CYYR1: variants seen among roughly 807,000 people sequenced by gnomAD.
CYYR1 encodes the protein cysteine and tyrosine-rich protein 1.
A neutral mutation model predicts 15.2 loss-of-function variants in CYYR1; 14 were observed. The ratio of observed to expected loss-of-function variants is 0.92; its 90% CI spans 0.61 to 1.44. The LOEUF is 1.44. CYYR1 is among the 40% of genes most tolerant of loss of function. CYYR1 has a pLI of 0.00. For synonymous variants in CYYR1, 80 were observed against 77.4 expected, an observed-to-expected ratio of 1.03 and a Z score of -0.18; for missense variants, 228 against 209.5, an observed-to-expected ratio of 1.09 and a Z score of -0.54.
intron 2 of CYYR1, among the ~76,000 whole-genome samples, chr21:26,532,424 C>A (rs1414935682): frequency 6.6e-6 from 1 of 152,122 alleles, no homozygotes; most frequent in East Asian, 1.9e-4. Flanking sequence ...GCAGATGACG[C>A]TGGAGGAAAC....
intron 2 of CYYR1, among the ~76,000 whole-genome samples, chr21:26,512,355 T>C (rs1054964399): frequency 1.6e-4 from 25 of 152,004 alleles, no homozygotes; most frequent in Admixed American, 1.6e-3. Context: ...CATGCCACCA[T>C]GCCTGGCTAA....
chr21:26,497,810 A>G (rs1324628448), intron 2 of CYYR1, among the ~76,000 whole-genome samples: 11 of 152,188 alleles, frequency 7.2e-5, no homozygotes, highest in Admixed American at 6.5e-4. Context: ...ATGTTGCAAA[A>G]TACCTACAGA....
Position 26,573,016 on chromosome 21 carries a change from A to G in CYYR1, c.-76T>C. 1 of 1,609,366 alleles carries G rather than the reference A, an allele frequency of 6.2e-7. No homozygotes were observed. The highest frequency in any genetic ancestry group is 1.7e-5 in the Admixed American group (1 of 59,524). On this transcript the variant is annotated 5_prime_UTR_variant, in exon 1 of 4. The change abolishes the stop of an existing upstream ORF in the 5' untranslated region. Coordinates refer to ENST00000652641, the MANE Select transcript of CYYR1 (RefSeq NM_001320768.2). ...GGAATGGGGAGGATGGAGGGCGATC[A>G]GATGGAGAGAGCAGCGCTCCTGAGA...
chr21:26,522,665 A>G (rs755650573), intron 2 of CYYR1, among the ~76,000 whole-genome samples: 55 of 152,200 alleles, frequency 3.6e-4, no homozygotes, highest in Non-Finnish European at 6.9e-4. Context: ...TGATGATGCC[A>G]CAAAGATAAA....
intron 2 of CYYR1, among the ~76,000 whole-genome samples, chr21:26,481,250 C>T (rs2065176452): frequency 6.6e-6 from 1 of 151,994 alleles, no homozygotes; most frequent in African/African-American, 2.4e-5. Context: ...GCAATGCTCC[C>T]TAAGGAAATG....
At chr21:26,482,186 G>T (rs1402436212) in intron 2 of CYYR1, 2 of 616,652 alleles carry the variant, frequency 3.2e-6, no homozygotes, top group Non-Finnish European at 4.1e-6. Context: ...TATTTACATT[G>T]CCATAACTTT....
chr21:26,524,924 G>T (rs1044014757), intron 2 of CYYR1, among the ~76,000 whole-genome samples: 3 of 152,138 alleles, frequency 2.0e-5, no homozygotes, highest in African/African-American at 7.2e-5. Flanking sequence ...ATGCTGAAAG[G>T]AATCCATCTG....
intron 1 of CYYR1, 145 bp downstream of exon 1, chr21:26,572,723 C>G: frequency 1.0e-6 from 1 of 957,198 alleles, no homozygotes; most frequent in Non-Finnish European, 1.5e-6. Flanking sequence ...GGGTTTCTGC[C>G]GTCGCCTCGC....
intron 2 of CYYR1, among the ~76,000 whole-genome samples, chr21:26,498,438 G>A (rs556350423): frequency 9.2e-5 from 14 of 152,300 alleles, no homozygotes; most frequent in African/African-American, 3.4e-4. Flanking sequence ...CCAGTAGGAA[G>A]GCAAAAGAGC....
rs181076488 is a variant in CYYR1, at chr21:26,490,821, T to G, written c.177-10392A>C. Among the ~76,000 whole-genome samples, 12 of 152,270 alleles carry G rather than the reference T, an allele frequency of 7.9e-5. No individual in the cohort carries two copies. In the East Asian group the frequency reaches 2.3e-3, roughly 29 times the overall value. On this transcript the variant is annotated intron_variant, in intron 2 of 3. Coordinates refer to ENST00000652641, the MANE Select transcript of CYYR1 (RefSeq NM_001320768.2). ...GGCCTGCCTTGCTCTCATTTTCTCA[T>G]CCACTCAACAAATGCTATGGTGTAT...
At chr21:26,536,224 C>A (rs537395625) in intron 2 of CYYR1, among the ~76,000 whole-genome samples, 8 of 152,242 alleles carry the variant, frequency 5.3e-5, no homozygotes, top group Non-Finnish European at 1.2e-4. Context: ...CAGGCCCCTT[C>A]CCTGACACAT....
intron 2 of CYYR1, chr21:26,550,521 G>A (rs1262078037): frequency 6.6e-6 from 1 of 152,218 alleles, no homozygotes; most frequent in African/African-American, 2.4e-5. Context: ...GAGCCAAGTT[G>A]TGCAAGCAAA....
In CYYR1 at chr21:26,468,121, G is replaced by A. The variant is rs1285957438; in HGVS notation, c.*380C>T. The stretch of plus-strand genomic sequence containing the variant: ...CTATATAGAATAAAGTTGCTTCCTT[G>A]TGTGGGCCAAATCATTCTCCCATCC... On this transcript the variant is annotated 3_prime_UTR_variant, in exon 4 of 4. Coordinates refer to ENST00000652641, the MANE Select transcript of CYYR1 (RefSeq NM_001320768.2). The A allele has an allele frequency of 1.4e-5, 4 of 288,728 alleles. No homozygotes were observed. Among genetic ancestry groups the A allele is most frequent in the Non-Finnish European group, 2.7e-5 (4 of 148,554 alleles). The allele number at this position is 288,728 out of a possible 1,614,324, so 17.9% of individuals were successfully genotyped here.
chr21:26,481,912 G>A (rs1354460598), intron 2 of CYYR1, among the ~76,000 whole-genome samples: 1 of 151,888 alleles, frequency 6.6e-6, no homozygotes, highest in Non-Finnish European at 1.5e-5. Context: ...GCATTTCTAT[G>A]TATCAAGTTT....
chr21:26,516,741 A>C (rs2065731703), intron 2 of CYYR1, among the ~76,000 whole-genome samples: 1 of 152,232 alleles, frequency 6.6e-6, no homozygotes, highest in Non-Finnish European at 1.5e-5. Flanking sequence ...TGCTTAACTG[A>C]ATATTAACAT....
intron 2 of CYYR1, among the ~76,000 whole-genome samples, chr21:26,533,508 C>T (rs1300858701): frequency 1.3e-5 from 2 of 152,186 alleles, no homozygotes; most frequent in Middle Eastern, 3.4e-3. Flanking sequence ...GGCAAATTCA[C>T]CCCTCCTCTG....
At chr21:26,498,388 C>T (rs2065435520) in intron 2 of CYYR1, among the ~76,000 whole-genome samples, 1 of 151,956 alleles carries the variant, frequency 6.6e-6, no homozygotes. Flanking sequence ...ATCAGTTAGT[C>T]AAGGAAGAAG....
At chr21:26,513,432 G>A (rs1414522050) in intron 2 of CYYR1, among the ~76,000 whole-genome samples, 2 of 152,114 alleles carry the variant, frequency 1.3e-5, no homozygotes, top group Admixed American at 1.3e-4. Context: ...TTCCTTAGTT[G>A]CAGGGTCCAG....
intron 2 of CYYR1, among the ~76,000 whole-genome samples, chr21:26,514,414 C>T (rs1216325410): frequency 7.2e-5 from 11 of 152,180 alleles, no homozygotes; most frequent in Non-Finnish European, 1.6e-4. Flanking sequence ...CTCCCCTGCT[C>T]TTGCTTCCTC....
Sources: gnomAD v4.1 joint callset for allele counts (sites outside exome capture counted in the v4.1 genomes callset) on GRCh38, gnomAD v4.1.1 for gene constraint, MANE v1.5 for transcripts, NCBI Gene and HGNC (gene_info 2026-07-23, HGNC 2026-07-21) for gene names.